Variants in COBL observed in about 807,000 individuals in gnomAD.
COBL encodes cordon-bleu WH2 repeat protein.
A neutral mutation model predicts 98.8 loss-of-function variants in COBL; 51 were observed. The ratio of observed to expected loss-of-function variants is 0.52; its 90% CI spans 0.41 to 0.65. The LOEUF (loss-of-function observed/expected upper bound fraction) is 0.65. COBL is among the 30% of genes least tolerant of loss of function. The probability of loss-of-function intolerance (pLI) is 0.00; values close to 1 mark genes in which losing one functional copy is unlikely to be tolerated. For missense variants in COBL, 1,617 were observed against 1,617.5 expected (o/e 1.00, Z 0.01); for synonymous variants, 634 against 651.7 (o/e 0.97, Z 0.41).
chr7:51,083,009 C>A (rs1405783170), intron 7 of COBL: 3 of 1,516,246 alleles, frequency 2.0e-6, no homozygotes. Context: ...TCGCAGTGCT[C>A]AGAGAGATGA....
At chr7:51,115,687 C>T (rs1797211764) in intron 6 of COBL, among the ~76,000 whole-genome samples, 1 of 151,964 alleles carries the variant, frequency 6.6e-6, no homozygotes, top group South Asian at 2.1e-4. Context: ...ACAATGTGTA[C>T]TCTGTAGTGG....
rs146039165 is a variant in COBL, at chr7:51,231,453, A to G, written c.42-11509T>C. 3.7e-3 allele frequency among the ~76,000 whole-genome samples: 563 copies of G among 152,330 alleles called. 1 individual carries two copies. Among genetic ancestry groups the G allele is most frequent in the African/African-American group, 0.013 (545 of 41,580 alleles). On this transcript the variant is annotated intron_variant, in intron 1 of 12. Transcript: ENST00000265136. Reference sequence around the variant, plus strand: ...CAGGGGTTCCTGGGGAGCCATATGCAGGGCTGGGTCAAGGGCCACAGACAT... The same window carrying G: ...CAGGGGTTCCTGGGGAGCCATATGCGGGGCTGGGTCAAGGGCCACAGACAT...
At chr7:51,021,944 G>GC (rs1466465946) in intron 12 of COBL, among the ~76,000 whole-genome samples, 1 of 152,174 alleles carries the variant, frequency 6.6e-6, no homozygotes, top group African/African-American at 2.4e-5. Flanking sequence ...TCCAGGTGAG[G>GC]CCACCTTGGC....
At chr7:51,281,823 A>G (rs1799842613) in intron 1 of COBL, among the ~76,000 whole-genome samples, 2 of 152,186 alleles carry the variant, frequency 1.3e-5, no homozygotes, top group Admixed American at 6.5e-5. Flanking sequence ...TATGGAAAGA[A>G]AACTTGGAAC....
chr7:51,126,012 C>T (rs970621738), intron 6 of COBL, among the ~76,000 whole-genome samples: 4 of 152,214 alleles, frequency 2.6e-5, no homozygotes, highest in East Asian at 1.9e-4. Flanking sequence ...CCTCTGAATG[C>T]CTTTTAGTTT....
At chr7:51,194,676 C>G (rs1461577114) in intron 2 of COBL, among the ~76,000 whole-genome samples, 1 of 152,166 alleles carries the variant, frequency 6.6e-6, no homozygotes, top group Non-Finnish European at 1.5e-5. Context: ...AAGATGGTAT[C>G]TCATTGCGGT....
chr7:51,281,093 TAGTA>T (rs887014396), intron 1 of COBL, among the ~76,000 whole-genome samples: 3 of 152,152 alleles, frequency 2.0e-5, no homozygotes, highest in African/African-American at 7.2e-5. Flanking sequence ...AATGAAAACT[TAGTA>T]AGTCTTGGCA....
chr7:51,258,802 A>C (rs1289586583), intron 1 of COBL, among the ~76,000 whole-genome samples: 1 of 152,226 alleles, frequency 6.6e-6, no homozygotes, highest in East Asian at 1.9e-4. Flanking sequence ...AGTTATTAAT[A>C]TTATTCCTTC....
chr7:51,169,063 C>T (rs753105283), intron 5 of COBL, among the ~76,000 whole-genome samples: 9 of 152,118 alleles, frequency 5.9e-5, no homozygotes, highest in Non-Finnish European at 1.0e-4. Flanking sequence ...AACATCAACT[C>T]AGACCTTAAG....
At chr7:51,030,262 A>C (rs1411544900) in intron 9 of COBL, among the ~76,000 whole-genome samples, 1 of 152,242 alleles carries the variant, frequency 6.6e-6, no homozygotes, top group East Asian at 1.9e-4. Flanking sequence ...CAACATGTGC[A>C]TTGGAGAAAA....
intron 6 of COBL, among the ~76,000 whole-genome samples, chr7:51,095,421 A>T (rs542496760): frequency 6.6e-6 from 1 of 152,306 alleles, no homozygotes; most frequent in East Asian, 1.9e-4. Flanking sequence ...GTAACTACAA[A>T]CGTCAACAAA....
chr7:51,182,743 T>C (rs1303670098), intron 5 of COBL, among the ~76,000 whole-genome samples: 1 of 152,074 alleles, frequency 6.6e-6, no homozygotes, highest in Non-Finnish European at 1.5e-5. Flanking sequence ...TAGACATGCA[T>C]GGAGTACAGA....
intron 2 of COBL, among the ~76,000 whole-genome samples, chr7:51,195,431 T>G (rs1790504500): frequency 6.6e-6 from 1 of 152,208 alleles, no homozygotes; most frequent in Admixed American, 6.5e-5. Context: ...TATAGTATAG[T>G]TTTAAGTCAA....
chr7:51,209,363 A>G (rs988559302), intron 2 of COBL, among the ~76,000 whole-genome samples: 1 of 152,230 alleles, frequency 6.6e-6, no homozygotes, highest in African/African-American at 2.4e-5. Context: ...GGAAGATACT[A>G]GACACCCCTG....
At chr7:51,133,819 C>G (rs1423014751) in intron 6 of COBL, among the ~76,000 whole-genome samples, 1 of 152,204 alleles carries the variant, frequency 6.6e-6, no homozygotes. Flanking sequence ...ATTATGAATA[C>G]ATAATCAGGT....
At chr7:51,183,090 G>A (rs1328804503) in intron 5 of COBL, among the ~76,000 whole-genome samples, 1 of 152,158 alleles carries the variant, frequency 6.6e-6, no homozygotes, top group Non-Finnish European at 1.5e-5. Context: ...CAGCAAACCT[G>A]GGTAAACCAC....
chr7:51,161,058 C>A (rs1163274007), intron 5 of COBL, among the ~76,000 whole-genome samples: 2 of 152,084 alleles, frequency 1.3e-5, no homozygotes, highest in African/African-American at 4.8e-5. Context: ...TGATGTATAA[C>A]AAAAATTAGT....
At chr7:51,077,046 C>T (rs868630547) in intron 7 of COBL, among the ~76,000 whole-genome samples, 1 of 152,082 alleles carries the variant, frequency 6.6e-6, no homozygotes, top group African/African-American at 2.4e-5. Context: ...GAATAGGCTC[C>T]ATTATGGTGA....
intron 6 of COBL, among the ~76,000 whole-genome samples, chr7:51,106,697 T>C (rs905869138): frequency 6.6e-6 from 1 of 152,204 alleles, no homozygotes; most frequent in African/African-American, 2.4e-5. Flanking sequence ...AATGATTCCC[T>C]GCAGTTCTTG....
Sources: gnomAD v4.1 joint callset for allele counts (sites outside exome capture counted in the v4.1 genomes callset) on GRCh38, gnomAD v4.1.1 for gene constraint, MANE v1.5 for transcripts, NCBI Gene and HGNC (gene_info 2026-07-23, HGNC 2026-07-21) for gene names.